Variants in CFDP1 observed in about 807,000 individuals in gnomAD.
CFDP1 encodes the protein heterochromatin-stabilizing protein CFDP1.
A neutral mutation model predicts 40.1 loss-of-function variants in CFDP1; 31 were observed. The ratio of observed to expected loss-of-function variants is 0.77; its 90% CI spans 0.58 to 1.04. The LOEUF (loss-of-function observed/expected upper bound fraction) is 1.04. Among genes scored for constraint, CFDP1 ranks in the 50% least tolerant of loss-of-function variants. The pLI, the probability that CFDP1 is intolerant of heterozygous loss-of-function variation, is 0.00. For synonymous variants in CFDP1, 167 were observed against 120.0 expected (o/e 1.39, Z -2.56); for missense variants, 423 against 343.4 (o/e 1.23, Z -1.83).
intron 4 of CFDP1, among the ~76,000 whole-genome samples, chr16:75,405,488 C>T (rs541096803): frequency 6.6e-6 from 1 of 152,092 alleles, no homozygotes; most frequent in East Asian, 1.9e-4. Flanking sequence ...TGGCTCATGC[C>T]TGTAATCCTA....
intron 5 of CFDP1, chr16:75,379,722 A>G (rs1567663399): frequency 6.6e-6 from 1 of 152,214 alleles, no homozygotes; most frequent in African/African-American, 2.4e-5. Context: ...TTGTAATATT[A>G]TAAGATGGTA....
intron 4 of CFDP1, among the ~76,000 whole-genome samples, chr16:75,410,998 C>G (rs1320244286): frequency 6.6e-6 from 1 of 150,900 alleles, no homozygotes; most frequent in African/African-American, 2.4e-5. Context: ...GCGGGTGGAT[C>G]ACCTGAGGTC....
intron 5 of CFDP1, among the ~76,000 whole-genome samples, chr16:75,367,602 G>A (rs539546616): frequency 6.6e-5 from 10 of 151,846 alleles, no homozygotes; most frequent in African/African-American, 2.2e-4. Flanking sequence ...AGACCAGCTT[G>A]GCCAACATGG....
At chr16:75,401,566 C>CTCCAGT (rs2079054533) in intron 4 of CFDP1, among the ~76,000 whole-genome samples, 2 of 152,014 alleles carry the variant, frequency 1.3e-5, no homozygotes, top group South Asian at 4.2e-4. Flanking sequence ...CGCCACTACA[C>CTCCAGT]TCCAGTCTGG....
intron 5 of CFDP1, among the ~76,000 whole-genome samples, chr16:75,377,012 G>T (rs953513720): frequency 6.6e-6 from 1 of 152,234 alleles, no homozygotes; most frequent in African/African-American, 2.4e-5. Flanking sequence ...TGCAGGAGCA[G>T]TCAAGGAGCT....
intron 1 of CFDP1, among the ~76,000 whole-genome samples, chr16:75,431,907 CTAACT>C (rs2079423848): frequency 7.4e-6 from 1 of 134,712 alleles, no homozygotes; most frequent in South Asian, 2.4e-4. Flanking sequence ...ATGGGACTGG[CTAACT>C]TTTTTTTTTT....
chr16:75,430,903 C>T (rs1425802709), intron 1 of CFDP1, among the ~76,000 whole-genome samples: 1 of 152,204 alleles, frequency 6.6e-6, no homozygotes, highest in African/African-American at 2.4e-5. Flanking sequence ...TCAGCCCCCA[C>T]TTCCCATCAT....
chr16:75,311,384 C>A (rs1342539925), intron 5 of CFDP1, among the ~76,000 whole-genome samples: 1 of 152,186 alleles, frequency 6.6e-6, no homozygotes, highest in East Asian at 1.9e-4. Flanking sequence ...CTCAATCATC[C>A]CACTTTGGCC....
Position 75,433,372 on chromosome 16 carries a change from G to T in CFDP1, c.-20C>A, listed in dbSNP as rs780910101. The T allele has an allele frequency of 6.3e-7, 1 of 1,580,292 alleles. No homozygotes were observed. Among genetic ancestry groups the T allele is most frequent in the Non-Finnish European group, 8.6e-7 (1 of 1,163,088 alleles). Reference sequence around the variant, plus strand: ...CTCCATGTTGCTGCCGCTCGACGCTGGTCAAACTCACAAGACCGCAGCAGC... The same window carrying T: ...CTCCATGTTGCTGCCGCTCGACGCTTGTCAAACTCACAAGACCGCAGCAGC... On this transcript the variant is annotated 5_prime_UTR_variant, in exon 1 of 7. Transcript: ENST00000283882.
chr16:75,432,647 C>T (rs1368142362), intron 1 of CFDP1, among the ~76,000 whole-genome samples: 1 of 152,124 alleles, frequency 6.6e-6, no homozygotes, highest in African/African-American at 2.4e-5. Flanking sequence ...TCTAGTCTTT[C>T]AACTGAAGAT....
At chr16:75,315,853 T>C (rs1277661668) in intron 5 of CFDP1, among the ~76,000 whole-genome samples, 1 of 152,188 alleles carries the variant, frequency 6.6e-6, no homozygotes, top group East Asian at 1.9e-4. Flanking sequence ...CAGGTTCAAA[T>C]TTCCTTCAAC....
intron 4 of CFDP1, among the ~76,000 whole-genome samples, chr16:75,403,703 T>A (rs2079074607): frequency 6.6e-6 from 1 of 152,270 alleles, no homozygotes. Flanking sequence ...ACTTTCTATA[T>A]TATTTTTATA....
At chr16:75,329,705 T>A (rs577649172) in intron 5 of CFDP1, among the ~76,000 whole-genome samples, 4 of 152,258 alleles carry the variant, frequency 2.6e-5, no homozygotes, top group Non-Finnish European at 5.9e-5. Context: ...ACTGTCTACA[T>A]GTGCAATCCT....
intron 6 of CFDP1, among the ~76,000 whole-genome samples, chr16:75,294,590 T>C (rs1046870706): frequency 6.6e-6 from 1 of 152,200 alleles, no homozygotes; most frequent in African/African-American, 2.4e-5. Context: ...TGAAGTGAGC[T>C]GAGGTTCATA....
At chr16:75,318,935 C>G (rs951906840) in intron 5 of CFDP1, among the ~76,000 whole-genome samples, 2 of 152,218 alleles carry the variant, frequency 1.3e-5, no homozygotes, top group African/African-American at 4.8e-5. Context: ...TAAAACAAGT[C>G]ATGCCTGCCC....
At chr16:75,352,005 C>A (rs1156390887) in intron 5 of CFDP1, among the ~76,000 whole-genome samples, 2 of 36,464 alleles carry the variant, frequency 5.5e-5, no homozygotes, top group African/African-American at 9.0e-5. Flanking sequence ...GAGACTCTGT[C>A]TCAAAAAAAA....
chr16:75,427,885 T>C (rs563309188), intron 1 of CFDP1, among the ~76,000 whole-genome samples: 1 of 152,372 alleles, frequency 6.6e-6, no homozygotes, highest in South Asian at 2.1e-4. Context: ...ATCCATATAA[T>C]GGACTACCAC....
intron 5 of CFDP1, among the ~76,000 whole-genome samples, chr16:75,380,662 G>A (rs976970852): frequency 2.0e-5 from 3 of 152,034 alleles, no homozygotes; most frequent in African/African-American, 7.2e-5. Flanking sequence ...GAACCGGAAC[G>A]AACCCTGGGC....
At chr16:75,381,611 C>T (rs1329488911) in intron 5 of CFDP1, among the ~76,000 whole-genome samples, 1 of 152,112 alleles carries the variant, frequency 6.6e-6, no homozygotes, top group African/African-American at 2.4e-5. Flanking sequence ...GGAAAGAAGC[C>T]TCAGATTTCT....
Sources: allele counts gnomAD v4.1 joint callset (sites outside exome capture counted in the v4.1 genomes callset), GRCh38; gene constraint gnomAD v4.1.1; transcripts MANE v1.5; gene names NCBI Gene and HGNC (gene_info 2026-07-23, HGNC 2026-07-21).